Variants in LRRC4C observed in about 807,000 individuals in gnomAD.
LRRC4C encodes the protein leucine-rich repeat-containing protein 4C.
Under a neutral mutation model 33.6 loss-of-function variants are expected in LRRC4C, and 5 were observed. That is an observed-to-expected ratio of 0.15 (90% confidence interval 0.08 to 0.31). The LOEUF (loss-of-function observed/expected upper bound fraction) is 0.31. Ranked by LOEUF, LRRC4C falls within the 10% of genes least tolerant of loss-of-function variation. The pLI is 1.00. For missense variants in LRRC4C, 560 were observed against 796.7 expected, an observed-to-expected ratio of 0.70 and a Z score of 3.58; for synonymous variants, 329 against 302.0, an observed-to-expected ratio of 1.09 and a Z score of -0.93.
At chr11:40,780,059 T>G (rs1950157179) in intron 2 of LRRC4C, among the ~76,000 whole-genome samples, 1 of 152,170 alleles carries the variant, frequency 6.6e-6, no homozygotes, top group Non-Finnish European at 1.5e-5. Context: ...AAGACTTAAA[T>G]AGTGTCCGTT....
intron 3 of LRRC4C, among the ~76,000 whole-genome samples, chr11:40,469,413 AT>A (rs2138271129): frequency 6.6e-6 from 1 of 152,232 alleles, no homozygotes; most frequent in Admixed American, 6.5e-5. Flanking sequence ...TCAGGTGACT[AT>A]ACCACCAGGG....
chr11:40,843,962 T>C (rs1270012403), intron 2 of LRRC4C, among the ~76,000 whole-genome samples: 2 of 152,156 alleles, frequency 1.3e-5, no homozygotes, highest in Non-Finnish European at 2.9e-5. Flanking sequence ...AATAAACTTT[T>C]TGGAGCCATA....
intron 3 of LRRC4C, among the ~76,000 whole-genome samples, chr11:40,523,672 G>A (rs1466896181): frequency 6.6e-6 from 1 of 151,466 alleles, no homozygotes; most frequent in East Asian, 1.9e-4. Context: ...TCCATAAGGA[G>A]AGGTAAACTT....
At chr11:40,231,925 T>C (rs533461599) in intron 5 of LRRC4C, among the ~76,000 whole-genome samples, 12 of 152,338 alleles carry the variant, frequency 7.9e-5, no homozygotes, top group African/African-American at 2.6e-4. Context: ...GTTTGTTACA[T>C]AGGTAAACAA....
intron 3 of LRRC4C, among the ~76,000 whole-genome samples, chr11:40,429,686 A>T (rs186634178): frequency 6.6e-6 from 1 of 152,318 alleles, no homozygotes; most frequent in Admixed American, 6.5e-5. Context: ...AGTTTTAAGA[A>T]TCTCTTTGAA....
At chr11:40,477,101 A>G (rs1953275376) in intron 3 of LRRC4C, among the ~76,000 whole-genome samples, 1 of 152,040 alleles carries the variant, frequency 6.6e-6, no homozygotes, top group Non-Finnish European at 1.5e-5. Context: ...CTCACGTATT[A>G]TTTTCATTTT....
intron 5 of LRRC4C, among the ~76,000 whole-genome samples, chr11:40,237,726 G>A (rs971111459): frequency 6.6e-6 from 1 of 152,134 alleles, no homozygotes; most frequent in Non-Finnish European, 1.5e-5. Context: ...TGAAAACCCT[G>A]ATAAGTATGA....
chr11:40,815,068 T>C (rs1951652247), intron 2 of LRRC4C, among the ~76,000 whole-genome samples: 1 of 152,144 alleles, frequency 6.6e-6, no homozygotes, highest in African/African-American at 2.4e-5. Flanking sequence ...TTTACTGTAT[T>C]AGTCCATTCT....
chr11:40,809,313 T>G (rs1951384127), intron 2 of LRRC4C, among the ~76,000 whole-genome samples: 1 of 152,164 alleles, frequency 6.6e-6, no homozygotes, highest in African/African-American at 2.4e-5. Context: ...GTCTCCTACT[T>G]TTTATACTTG....
intron 2 of LRRC4C, among the ~76,000 whole-genome samples, chr11:40,844,192 A>G (rs1332080324): frequency 6.6e-6 from 1 of 152,144 alleles, no homozygotes; most frequent in Non-Finnish European, 1.5e-5. Flanking sequence ...TACGTATGTA[A>G]CTAACCTGCA....
At chr11:40,850,602 G>C (rs1953433844) in intron 2 of LRRC4C, among the ~76,000 whole-genome samples, 1 of 152,182 alleles carries the variant, frequency 6.6e-6, no homozygotes, top group South Asian at 2.1e-4. Flanking sequence ...AGGCACAGGG[G>C]TCAGGACCCA....
At chr11:40,826,513 T>C (rs956032740) in intron 2 of LRRC4C, among the ~76,000 whole-genome samples, 1 of 151,898 alleles carries the variant, frequency 6.6e-6, no homozygotes, top group African/African-American at 2.4e-5. Context: ...TCCAAAATAT[T>C]ATTCATGATG....
intron 1 of LRRC4C, among the ~76,000 whole-genome samples, chr11:41,109,885 G>T (rs1181443200): frequency 6.6e-6 from 1 of 151,796 alleles, no homozygotes; most frequent in Non-Finnish European, 1.5e-5. Flanking sequence ...AAGGTGTTTG[G>T]GTTTTTTTGT....
At chr11:41,348,875 G>C (rs1033682247) in intron 1 of LRRC4C, among the ~76,000 whole-genome samples, 2 of 152,172 alleles carry the variant, frequency 1.3e-5, no homozygotes, top group Non-Finnish European at 2.9e-5. Flanking sequence ...AGCTAGCAGG[G>C]AGAACTTCCC....
chr11:40,345,683 C>T (rs1173632002), intron 3 of LRRC4C, among the ~76,000 whole-genome samples: 1 of 151,960 alleles, frequency 6.6e-6, no homozygotes, highest in African/African-American at 2.4e-5. Flanking sequence ...TGCAACACAA[C>T]CAAAAATTAC....
chr11:40,621,529 A>G (rs933517019), intron 3 of LRRC4C, among the ~76,000 whole-genome samples: 10 of 126,020 alleles, frequency 7.9e-5, no homozygotes, highest in Admixed American at 8.5e-5. Flanking sequence ...TAGAATCATA[A>G]AGGCAAGTTG....
chr11:41,212,531 G>T (rs1261877765), intron 1 of LRRC4C, among the ~76,000 whole-genome samples: 3 of 152,148 alleles, frequency 2.0e-5, no homozygotes, highest in Non-Finnish European at 4.4e-5. Flanking sequence ...CCATCGCTTA[G>T]GTATTAAGCT....
chr11:41,225,128 G>A (rs1316873171), intron 1 of LRRC4C, among the ~76,000 whole-genome samples: 3 of 152,126 alleles, frequency 2.0e-5, no homozygotes, highest in African/African-American at 7.2e-5. Context: ...ACCAGAGGTT[G>A]GGGAGGCCGG....
In LRRC4C at chr11:41,171,047, C is replaced by A. The variant is rs558189412; in HGVS notation, c.-495-237324G>T. ...ATCAGAGAAATGCAAATCAAAACCACAATGAGATACCATCTCACACCAGTT... is the reference window on the plus strand; with the variant it reads ...ATCAGAGAAATGCAAATCAAAACCAAAATGAGATACCATCTCACACCAGTT... On this transcript the variant is annotated intron_variant, in intron 1 of 6. Coordinates refer to ENST00000528697, the MANE Select transcript of LRRC4C (RefSeq NM_001258419.2). 5.9e-5 allele frequency among the ~76,000 whole-genome samples: 9 copies of A among 152,096 alleles called. No homozygotes were observed. The South Asian group carries it at 1.7e-3, about 28-fold the overall frequency.
Sources: allele counts gnomAD v4.1 joint callset (sites outside exome capture counted in the v4.1 genomes callset), GRCh38; gene constraint gnomAD v4.1.1; transcripts MANE v1.5; gene names NCBI Gene and HGNC (gene_info 2026-07-23, HGNC 2026-07-21).